SRFBP1: variants seen among roughly 807,000 people sequenced by gnomAD.
SRFBP1 encodes serum response factor binding protein 1.
Under a neutral mutation model 45.5 loss-of-function variants are expected in SRFBP1, and 47 were observed. That is an observed-to-expected ratio of 1.03 (90% CI 0.82 to 1.32). SRFBP1 has a LOEUF of 1.32. Among genes scored for constraint, SRFBP1 ranks in the 40% most tolerant of loss-of-function variants. The pLI is 0.00. For synonymous variants in SRFBP1, 203 were observed against 166.3 expected (o/e 1.22, Z -1.70); for missense variants, 621 against 484.6 (o/e 1.28, Z -2.64).
chr5:122,049,067 G>C (rs1317109617), intron 2 of SRFBP1, among the ~76,000 whole-genome samples: 1 of 151,964 alleles, frequency 6.6e-6, no homozygotes, highest in Non-Finnish European at 1.5e-5. Context: ...TCTGATCTTA[G>C]TTATTTCTTG....
At chr5:121,981,672 T>A (rs1752409854) in intron 3 of SRFBP1, among the ~76,000 whole-genome samples, 1 of 151,750 alleles carries the variant, frequency 6.6e-6, no homozygotes, top group African/African-American at 2.4e-5. Flanking sequence ...AATAAACATT[T>A]ACTCTTCCTT....
chr5:121,992,553 TC>T lies in SRFBP1; in HGVS notation c.199-2045del, dbSNP rs76006199. ...ACTTAATTACATCAGCAAAGTCCCT[TC>T]TGCCATGTAAAATAACATGTTCATA... On this transcript the variant is annotated intron_variant, in intron 3 of 7. Coordinates refer to ENST00000339397, the MANE Select transcript of SRFBP1 (RefSeq NM_152546.3). 6.6e-5 allele frequency among the ~76,000 whole-genome samples: 10 copies of T among 152,210 alleles called. No individual in the cohort carries two copies. The East Asian group carries it at 1.7e-3, about 27-fold the overall frequency.
At chr5:122,070,624 G>T (rs747193598) in intron 2 of SRFBP1, 1 of 1,138,314 alleles carries the variant, frequency 8.8e-7, no homozygotes, top group Admixed American at 1.8e-5. Flanking sequence ...TAAAATTATG[G>T]TATGTGGTCA....
chr5:121,995,085 G>T (rs1031378792), intron 4 of SRFBP1, among the ~76,000 whole-genome samples: 1 of 151,500 alleles, frequency 6.6e-6, no homozygotes, highest in Non-Finnish European at 1.5e-5. Flanking sequence ...ACACCCCACT[G>T]TCAACATTAG....
intron 2 of SRFBP1, among the ~76,000 whole-genome samples, chr5:122,049,116 C>G (rs1401569996): frequency 1.3e-5 from 2 of 151,914 alleles, no homozygotes; most frequent in African/African-American, 4.8e-5. Flanking sequence ...TCTTGCTTCT[C>G]TAGTTCTTTT....
intron 2 of SRFBP1, among the ~76,000 whole-genome samples, chr5:122,045,946 A>G (rs1753848335): frequency 6.6e-6 from 1 of 152,104 alleles, no homozygotes; most frequent in Non-Finnish European, 1.5e-5. Context: ...TTTCAAGGGG[A>G]ATGCTTCCAG....
chr5:122,007,647 C>T (rs1210902392), intron 4 of SRFBP1, among the ~76,000 whole-genome samples: 3 of 150,518 alleles, frequency 2.0e-5, no homozygotes, highest in Non-Finnish European at 4.4e-5. Context: ...AGCGGTCCTG[C>T]ACCCTGGGTC....
At position 122,027,492 on chromosome 5, in the gene SRFBP1, A is replaced by C. The variant is rs924047599; in HGVS notation, c.*366A>C. The C allele has an allele frequency of 3.9e-5, 6 of 154,996 alleles. No homozygotes were observed. The East Asian group carries it at 9.5e-4, about 24-fold the overall frequency. The allele number at this position is 154,996 out of a possible 1,614,324, so 9.6% of individuals were successfully genotyped here. On this transcript the variant is annotated 3_prime_UTR_variant, in exon 8 of 8. Coordinates refer to ENST00000339397, the MANE Select transcript of SRFBP1 (RefSeq NM_152546.3). ...TATGTACTTAAATTGATTTTTAATA[A>C]TATCCCTCAGACTGTTTCCCTTATG...
At chr5:122,077,123 G>C (rs1754661404), downstream of SRFBP1, 16 of 1,489,990 alleles carry the variant, frequency 1.1e-5, no homozygotes, top group Non-Finnish European at 1.4e-5. This position sits in a 1 kb window ranked among gnomAD's most constrained non-coding sequence, Gnocchi z 4.9. Flanking sequence ...GAGTGGAGCG[G>C]AGGACAGCAA....
intron 2 of SRFBP1, among the ~76,000 whole-genome samples, chr5:122,057,914 A>C (rs557935766): frequency 3.9e-5 from 6 of 152,172 alleles, no homozygotes; most frequent in African/African-American, 1.4e-4. Flanking sequence ...CCTCAACTCA[A>C]GCAATTCTCC....
At chr5:122,057,064 C>CATGT (rs1754091212) in intron 2 of SRFBP1, among the ~76,000 whole-genome samples, 1 of 152,180 alleles carries the variant, frequency 6.6e-6, no homozygotes, top group Non-Finnish European at 1.5e-5. Context: ...TTATGTAAAG[C>CATGT]ATGTAATATA....
intron 1 of SRFBP1, among the ~76,000 whole-genome samples, chr5:121,970,416 G>T (rs919040105): frequency 6.6e-6 from 1 of 152,082 alleles, no homozygotes; most frequent in Non-Finnish European, 1.5e-5. Flanking sequence ...TCAGCAATTA[G>T]AAACATTTGT....
chr5:121,966,785 T>A (rs1351368940), intron 1 of SRFBP1, among the ~76,000 whole-genome samples: 2 of 151,386 alleles, frequency 1.3e-5, no homozygotes, highest in East Asian at 1.9e-4. Flanking sequence ...TTTTATTTTT[T>A]ATTTTTTTTT....
intron 3 of SRFBP1, among the ~76,000 whole-genome samples, chr5:121,982,909 A>C (rs1012793784): frequency 6.6e-6 from 1 of 151,824 alleles, no homozygotes; most frequent in Non-Finnish European, 1.5e-5. Context: ...CCTAAACCTT[A>C]GCCAAACATT....
At chr5:121,985,627 G>A (rs969357366) in intron 3 of SRFBP1, among the ~76,000 whole-genome samples, 3 of 151,908 alleles carry the variant, frequency 2.0e-5, no homozygotes, top group East Asian at 1.9e-4. Context: ...CTAATACTGC[G>A]ATAACTGAGA....
intron 3 of SRFBP1, 141 bp from the exon 4 acceptor site, chr5:121,994,458 G>A: frequency 4.9e-6 from 3 of 616,196 alleles, no homozygotes; most frequent in South Asian, 4.0e-5. Context: ...TTTCAACTCT[G>A]TCATATTTTA....
chr5:122,053,986 G>T (rs1754034687), intron 2 of SRFBP1, among the ~76,000 whole-genome samples: 1 of 152,176 alleles, frequency 6.6e-6, no homozygotes. Context: ...GGAGTGGCCA[G>T]CCAAGTTCAG....
At chr5:122,078,542 C>CA (rs1199752173), downstream of SRFBP1, among the ~76,000 whole-genome samples, 4 of 152,124 alleles carry the variant, frequency 2.6e-5, no homozygotes, top group African/African-American at 9.7e-5. Context: ...TCAAAAAACT[C>CA]AGACAGGCGA....
At chr5:121,993,459 T>C (rs1752656510) in intron 3 of SRFBP1, among the ~76,000 whole-genome samples, 1 of 152,140 alleles carries the variant, frequency 6.6e-6, no homozygotes, top group African/African-American at 2.4e-5. Flanking sequence ...TGAATGCTTT[T>C]AACCGTGGTA....
Sources: allele counts gnomAD v4.1 joint callset (sites outside exome capture counted in the v4.1 genomes callset), GRCh38; gene constraint gnomAD v4.1.1; non-coding constraint Gnocchi (gnomAD v3.1); transcripts MANE v1.5; gene names NCBI Gene and HGNC (gene_info 2026-07-23, HGNC 2026-07-21).